The following FAM149B1 variants were observed in gnomAD, a reference collection of about 807,000 sequenced individuals.
FAM149B1 encodes the protein primary cilium assembly protein FAM149B1.
In FAM149B1, 56 loss-of-function variants were observed where a neutral mutation model predicts 75.3. The observed-to-expected ratio is 0.74, with a 90% CI of 0.60 to 0.93. FAM149B1 has a LOEUF of 0.93. Ranked by LOEUF, FAM149B1 falls within the 40% of genes least tolerant of loss-of-function variation. The pLI, the probability that FAM149B1 is intolerant of heterozygous loss-of-function variation, is 0.00. For missense variants in FAM149B1, 639 were observed against 708.4 expected (o/e 0.90, Z 1.11); for synonymous variants, 259 against 256.1 (o/e 1.01, Z -0.11).
intron 7 of FAM149B1, among the ~76,000 whole-genome samples, chr10:73,213,177 G>A (rs2043225736): frequency 6.6e-6 from 1 of 151,896 alleles, no homozygotes; most frequent in African/African-American, 2.4e-5. Flanking sequence ...TTTTAAATAG[G>A]GTTATTTATT....
At chr10:73,225,127 A>G (rs544836958) in intron 7 of FAM149B1, among the ~76,000 whole-genome samples, 1 of 152,260 alleles carries the variant, frequency 6.6e-6, no homozygotes, top group African/African-American at 2.4e-5. Context: ...AATTATGTAC[A>G]GTACATATAC....
At chr10:73,235,391 A>G in intron 12 of FAM149B1, 73 bp downstream of exon 12, 1 of 1,538,840 alleles carries the variant, frequency 6.5e-7, no homozygotes, top group Non-Finnish European at 8.8e-7. Context: ...ATAGTTTGGC[A>G]GACTTAAGAT....
intron 3 of FAM149B1, among the ~76,000 whole-genome samples, chr10:73,183,869 A>G (rs951646140): frequency 6.6e-6 from 1 of 152,226 alleles, no homozygotes; most frequent in East Asian, 1.9e-4. Flanking sequence ...GTAGGTTTGG[A>G]GTGAACCTGG....
intron 12 of FAM149B1, among the ~76,000 whole-genome samples, chr10:73,237,602 A>T (rs1216374078): frequency 1.3e-5 from 2 of 152,022 alleles, no homozygotes; most frequent in Non-Finnish European, 2.9e-5. Context: ...GTATTCTTTT[A>T]GTAAAGACAG....
At chr10:73,205,553 TGTTTTTTTGG>T (rs566513749) in intron 5 of FAM149B1, among the ~76,000 whole-genome samples, 78 of 151,996 alleles carry the variant, frequency 5.1e-4, no homozygotes, top group Non-Finnish European at 9.4e-4. Flanking sequence ...TTTTTGTTTT[TGTTTTTTTGG>T]GTTTTTTTGA....
At position 73,191,969 on chromosome 10, in the gene FAM149B1, T is replaced by G. The variant is rs71471610; in HGVS notation, c.283-587T>G. 6.3e-3 allele frequency among the ~76,000 whole-genome samples: 961 copies of G among 152,202 alleles called. 6 individuals carry two copies. Among genetic ancestry groups the G allele is most frequent in the Non-Finnish European group, 7.2e-3 (492 of 68,000 alleles). ...AGAATAGAGTGCAATGGCACAATCT[T>G]GGCTTGCTACAACCTGTGCCTCCCA... On this transcript the variant is annotated intron_variant, in intron 3 of 13. Transcript: ENST00000242505.
At chr10:73,235,977 C>T (rs925439772) in intron 12 of FAM149B1, among the ~76,000 whole-genome samples, 3 of 152,120 alleles carry the variant, frequency 2.0e-5, no homozygotes, top group Non-Finnish European at 2.9e-5. Context: ...GCTGGGAGCT[C>T]GACCCCACAT....
chr10:73,238,670 A>AGG (rs1041022779), intron 12 of FAM149B1: 1 of 152,236 alleles, frequency 6.6e-6, no homozygotes, highest in African/African-American at 2.4e-5. Flanking sequence ...TCTAAAATAT[A>AGG]GGGGCTTCAC....
intron 1 of FAM149B1, among the ~76,000 whole-genome samples, chr10:73,170,665 A>T (rs1251675247): frequency 1.3e-5 from 2 of 152,174 alleles, no homozygotes; most frequent in South Asian, 4.1e-4. Flanking sequence ...TTTGCCTTTT[A>T]GAAGCTTATT....
intron 5 of FAM149B1, among the ~76,000 whole-genome samples, chr10:73,199,374 C>A (rs569777066): frequency 2.0e-5 from 3 of 151,780 alleles, no homozygotes; most frequent in Admixed American, 2.0e-4. Context: ...CCCACCACCA[C>A]GCCCGGCTAA....
At position 73,177,954 on chromosome 10, in the gene FAM149B1, G is replaced by A. The variant is rs774894699; in HGVS notation, c.261G>A (p.Ser87=). The A allele has an allele frequency of 1.2e-5, 18 of 1,551,164 alleles. No individual in the cohort carries two copies. The highest frequency in any genetic ancestry group is 2.4e-5 in the East Asian group (1 of 40,896). The change falls in exon 3 of 14, where the codon TCG becomes TCA. Residue 87 remains serine (S), a synonymous_variant. Transcript: ENST00000242505. ...CAGGGATATCTACTGAAGGAAGCTC[G>A]GACTTCTCCTGGGGATATGGTGTGA... ...TGAGISTEGS[S]DFSWGYGELD... is the part of the protein sequence containing the mutation.
intron 7 of FAM149B1, among the ~76,000 whole-genome samples, chr10:73,212,029 A>G (rs530370922): frequency 2.0e-5 from 3 of 152,302 alleles, no homozygotes; most frequent in African/African-American, 7.2e-5. Flanking sequence ...GCTTTCACTT[A>G]TAAGTGAGAA....
Position 73,243,787 on chromosome 10 carries a change from A to G in FAM149B1, c.*2768A>G. On this transcript the variant is annotated 3_prime_UTR_variant, in exon 14 of 14. Coordinates refer to ENST00000242505, the MANE Select transcript of FAM149B1 (RefSeq NM_173348.2). Reference sequence around the variant, plus strand: ...AACAAAATACAACATTCCAAAGAAAATATTAGCAGTAGGAATCAGATCATT... The same window carrying G: ...AACAAAATACAACATTCCAAAGAAAGTATTAGCAGTAGGAATCAGATCATT... 6.8e-7 allele frequency: 1 copy of G among 1,462,176 alleles called. No individual in the cohort carries two copies. Among genetic ancestry groups the G allele is most frequent in the Non-Finnish European group, 9.5e-7 (1 of 1,054,860 alleles). 90.6% of individuals were successfully genotyped at this position (1,462,176 alleles called of 1,614,324 possible). A position where few individuals can be genotyped will look rare whatever the true frequency, so the allele number is the denominator to read the frequency against.
At chr10:73,195,445 T>TA (rs1327579572) in intron 5 of FAM149B1, among the ~76,000 whole-genome samples, 3 of 152,224 alleles carry the variant, frequency 2.0e-5, no homozygotes, top group Admixed American at 6.5e-5. Flanking sequence ...TTTTACAACC[T>TA]AATGTCACCC....
intron 5 of FAM149B1, among the ~76,000 whole-genome samples, chr10:73,205,981 A>C (rs772624405): frequency 1.2e-4 from 19 of 152,242 alleles, no homozygotes; most frequent in Non-Finnish European, 2.5e-4. Context: ...AGATGTTGAA[A>C]GACTGGAGGG....
intron 10 of FAM149B1, chr10:73,234,290 T>C (rs2043774047): frequency 6.5e-6 from 1 of 154,542 alleles, no homozygotes; most frequent in Non-Finnish European, 1.4e-5. Context: ...AGTACTTTTT[T>C]TCAAAGTTGA....
intron 7 of FAM149B1, among the ~76,000 whole-genome samples, chr10:73,218,517 G>A (rs1305380964): frequency 6.6e-6 from 1 of 152,110 alleles, no homozygotes; most frequent in African/African-American, 2.4e-5. Flanking sequence ...TTAGACAAAA[G>A]CCATATCTGT....
chr10:73,175,487 G>A (rs1007006661), intron 2 of FAM149B1, among the ~76,000 whole-genome samples: 3 of 151,944 alleles, frequency 2.0e-5, no homozygotes, highest in African/African-American at 7.3e-5. Flanking sequence ...GGCTAACACG[G>A]TGAAACCCCG....
intron 9 of FAM149B1, chr10:73,230,823 G>A (rs1265365549): frequency 4.5e-6 from 1 of 222,978 alleles, no homozygotes; most frequent in Non-Finnish European, 9.2e-6. Context: ...TGGTGGGTAA[G>A]TGTAGGTTTT....
Sources: gnomAD v4.1 joint callset for allele counts (sites outside exome capture counted in the v4.1 genomes callset) on GRCh38, gnomAD v4.1.1 for gene constraint, MANE v1.5 for transcripts, NCBI Gene and HGNC (gene_info 2026-07-23, HGNC 2026-07-21) for gene names.